Variants in TESK2 observed in about 807,000 individuals in gnomAD.
TESK2 encodes dual specificity testis-specific protein kinase 2.
Under a neutral mutation model 57.1 loss-of-function variants are expected in TESK2, and 39 were observed. The observed-to-expected ratio is 0.68, with a 90% CI of 0.53 to 0.89. The LOEUF (loss-of-function observed/expected upper bound fraction) is 0.89. Ranked by LOEUF, TESK2 falls within the 40% of genes least tolerant of loss-of-function variation. The probability of loss-of-function intolerance (pLI) is 0.00; values close to 1 mark genes in which losing one functional copy is unlikely to be tolerated. For synonymous variants in TESK2, 249 were observed against 267.9 expected, an observed-to-expected ratio of 0.93 and a Z score of 0.69; for missense variants, 646 against 732.1, an observed-to-expected ratio of 0.88 and a Z score of 1.36.
chr1:45,464,442 C>A (rs557353055), intron 1 of TESK2, among the ~76,000 whole-genome samples: 1 of 149,480 alleles, frequency 6.7e-6, no homozygotes, highest in African/African-American at 2.5e-5. Flanking sequence ...AAAAAAAAGT[C>A]TTATAGTTTT....
At chr1:45,445,269 A>C (rs1651602106) in intron 2 of TESK2, among the ~76,000 whole-genome samples, 1 of 151,934 alleles carries the variant, frequency 6.6e-6, no homozygotes, top group African/African-American at 2.4e-5. Flanking sequence ...ATCCTCGAAA[A>C]ACCCTAGCCT....
chr1:45,409,636 T>C (rs1351743320), intron 3 of TESK2, among the ~76,000 whole-genome samples: 1 of 152,128 alleles, frequency 6.6e-6, no homozygotes, highest in Non-Finnish European at 1.5e-5. Context: ...ATTAGGATGG[T>C]TGGGCTAGAG....
At chr1:45,376,014 TA>T (rs1648406648) in intron 4 of TESK2, among the ~76,000 whole-genome samples, 1 of 152,052 alleles carries the variant, frequency 6.6e-6, no homozygotes, top group African/African-American at 2.4e-5. Context: ...TTACTAAAAA[TA>T]AGAACAGAAA....
Position 45,415,065 on chromosome 1 carries a change from G to A in TESK2, c.344+6660C>T, listed in dbSNP as rs1047309374. 2.8e-5 allele frequency: 37 copies of A among 1,314,480 alleles called. No individual in the cohort carries two copies. The Admixed American group carries it at 3.1e-4, about 11-fold the overall frequency. The allele number at this position is 1,314,480 out of a possible 1,614,324, so 81.4% of individuals were successfully genotyped here. On this transcript the variant is annotated intron_variant, in intron 3 of 10. Coordinates refer to ENST00000372086, the MANE Select transcript of TESK2 (RefSeq NM_007170.3). ...TTCTTCAACATCACAGTCAAACAGC[G>A]AGCCCTTGGGCCACGTCTCCTTCGA...
chr1:45,379,766 C>A (rs1213579266), intron 4 of TESK2, among the ~76,000 whole-genome samples: 1 of 152,192 alleles, frequency 6.6e-6, no homozygotes. Context: ...AACATCTGCT[C>A]GACTGAGATG....
chr1:45,346,343 G>A (rs1647143452), intron 9 of TESK2, among the ~76,000 whole-genome samples: 1 of 152,194 alleles, frequency 6.6e-6, no homozygotes, highest in African/African-American at 2.4e-5. Flanking sequence ...CAGCCCCAGA[G>A]CTACATACAT....
rs186361109 is a variant in TESK2 at position 45,415,319 on chromosome 1, C to T, written c.344+6406G>A. 410 of 1,125,324 alleles carry T rather than the reference C, an allele frequency of 3.6e-4. 7 individuals are homozygous for T. In the Admixed American group the frequency reaches 6.8e-3, roughly 19 times the overall value. 69.7% of individuals were successfully genotyped at this position (1,125,324 alleles called of 1,614,324 possible). ...AATGGCAAGACCAGCAAGGAGATCA[C>T]CATTGCTGACTGTGGACAACTCTAA... On this transcript the variant is annotated intron_variant, in intron 3 of 10. Transcript: ENST00000372086.
intron 2 of TESK2, among the ~76,000 whole-genome samples, chr1:45,440,273 T>A (rs1174477566): frequency 6.6e-6 from 1 of 151,978 alleles, no homozygotes. Flanking sequence ...AAAAAAGGTA[T>A]CATTGCTCCA....
chr1:45,346,117 C>A, intron 9 of TESK2, 123 bp from the exon 10 acceptor site: 1 of 753,306 alleles, frequency 1.3e-6, no homozygotes, highest in Non-Finnish European at 2.3e-6. Flanking sequence ...TTTCTAAAGG[C>A]CCCAGACAAT....
At chr1:45,423,400 A>G (rs1216167726) in intron 2 of TESK2, among the ~76,000 whole-genome samples, 1 of 151,962 alleles carries the variant, frequency 6.6e-6, no homozygotes, top group African/African-American at 2.4e-5. Context: ...TACTAAAAAC[A>G]CAAAAAATTA....
chr1:45,479,792 A>C (rs115261783), intron 1 of TESK2, among the ~76,000 whole-genome samples: 3,380 of 145,274 alleles, frequency 0.023, 144 homozygotes, highest in African/African-American at 0.081. Flanking sequence ...AAAATAAAGG[A>C]CTGAAATGCA....
chr1:45,425,277 A>C (rs1650641412), intron 2 of TESK2, among the ~76,000 whole-genome samples: 1 of 152,220 alleles, frequency 6.6e-6, no homozygotes, highest in African/African-American at 2.4e-5. Context: ...ACAATCTGAA[A>C]AAGAAACCAA....
chr1:45,361,378 G>A (rs1346674351), intron 4 of TESK2, among the ~76,000 whole-genome samples: 1 of 152,116 alleles, frequency 6.6e-6, no homozygotes, highest in Non-Finnish European at 1.5e-5. Flanking sequence ...TAATACAGAA[G>A]TTTTAATATT....
rs146801805 is a variant in TESK2, at chr1:45,473,650, G to A, written c.-86-15779C>T. Among the ~76,000 whole-genome samples, 858 of 152,250 alleles carry A rather than the reference G, an allele frequency of 5.6e-3. 3 individuals are homozygous for A. Among genetic ancestry groups the A allele is most frequent in the South Asian group, 0.024 (117 of 4,828 alleles). ...TTAAAAAGCTTTTCTTCTTTCCAAT[G>A]ACATAACAAAAAGCAAACGCATTGG... On this transcript the variant is annotated intron_variant, in intron 1 of 10. Coordinates refer to ENST00000372086, the MANE Select transcript of TESK2 (RefSeq NM_007170.3).
At chr1:45,350,927 C>A (rs140522737) in intron 5 of TESK2, among the ~76,000 whole-genome samples, 44 of 152,368 alleles carry the variant, frequency 2.9e-4, no homozygotes, top group African/African-American at 9.1e-4. Flanking sequence ...GTTCCTAATT[C>A]ATGTTCTCTT....
chr1:45,447,287 CA>C (rs984988748), intron 2 of TESK2, among the ~76,000 whole-genome samples: 2 of 152,092 alleles, frequency 1.3e-5, no homozygotes, highest in African/African-American at 4.8e-5. Flanking sequence ...AAAACACAAA[CA>C]CATTTACCAA....
rs1647136486 is a variant in TESK2, at chr1:45,345,871, T to C, written c.997+6A>G. The C allele has an allele frequency of 6.2e-7, 1 of 1,611,968 alleles. No individual in the cohort carries two copies. The highest frequency in any genetic ancestry group is 8.5e-7 in the Non-Finnish European group (1 of 1,178,452). The stretch of plus-strand genomic sequence containing the variant: ...TTAGGTTGGGCTCCCTGGTCTAATC[T>C]CTTACCCCTGGCTGTGGGCTGCAGC... On this transcript the variant is annotated splice_donor_region_variant and intron_variant, in intron 10 of 10. Coordinates refer to ENST00000372086, the MANE Select transcript of TESK2 (RefSeq NM_007170.3).
At chr1:45,393,831 T>C (rs1479442813) in intron 3 of TESK2, among the ~76,000 whole-genome samples, 1 of 152,122 alleles carries the variant, frequency 6.6e-6, no homozygotes, top group African/African-American at 2.4e-5. Flanking sequence ...TACTCATCCT[T>C]GACAGGGAAG....
At chr1:45,398,945 C>T in intron 3 of TESK2, 1 of 430,230 alleles carries the variant, frequency 2.3e-6, no homozygotes, top group South Asian at 1.7e-5. Flanking sequence ...AATGAGCTCT[C>T]CTTCCACCTC....
Sources: gnomAD v4.1 joint callset for allele counts (sites outside exome capture counted in the v4.1 genomes callset) on GRCh38, gnomAD v4.1.1 for gene constraint, MANE v1.5 for transcripts, NCBI Gene and HGNC (gene_info 2026-07-23, HGNC 2026-07-21) for gene names.